The following CHODL variants were observed in gnomAD, a reference collection of about 807,000 sequenced individuals.
The protein encoded by CHODL is chondrolectin.
Under a neutral mutation model 34.5 loss-of-function variants are expected in CHODL, and 29 were observed. That is an observed-to-expected ratio of 0.84 (90% CI 0.63 to 1.15). The LOEUF is 1.15. Among genes scored for constraint, CHODL ranks in the 50% most tolerant of loss-of-function variants. The pLI, the probability that CHODL is intolerant of heterozygous loss-of-function variation, is 0.00. For synonymous variants in CHODL, 125 were observed against 116.1 expected, an observed-to-expected ratio of 1.08 and a Z score of -0.49; for missense variants, 332 against 332.5, an observed-to-expected ratio of 1.00 and a Z score of 0.01.
Position 18,030,373 on chromosome 21 carries a change from A to T in CHODL, c.-45+2402A>T, listed in dbSNP as rs1475303784. On this transcript the variant is annotated intron_variant, in intron 2 of 6. Transcript: ENST00000400127. ...CTCATGTGAGTGAGCTTGGAAACAG[A>T]TCCTCCTTCAGTTGAGCCAGTAGGC... 5.3e-5 allele frequency among the ~76,000 whole-genome samples: 8 copies of T among 152,268 alleles called. No homozygotes were observed. The East Asian group carries it at 1.6e-3, about 30-fold the overall frequency.
intron 2 of CHODL, among the ~76,000 whole-genome samples, chr21:18,166,917 G>A (rs2073160392): frequency 6.6e-6 from 1 of 152,070 alleles, no homozygotes; most frequent in Admixed American, 6.6e-5. Flanking sequence ...GGAGTTTTCT[G>A]TTCCATGAAT....
chr21:18,094,917 A>G lies in CHODL; in HGVS notation c.-45+66946A>G, dbSNP rs528988536. Among the ~76,000 whole-genome samples, 5 of 152,246 alleles carry G rather than the reference A, an allele frequency of 3.3e-5. No homozygotes were observed. The South Asian group carries it at 8.3e-4, about 25-fold the overall frequency. ...AGCAGGCAGATCTCCTGAGGTTAGGAGTTCAAGACCAGGCTGGCCAAAATG... is the reference window on the plus strand; with the variant it reads ...AGCAGGCAGATCTCCTGAGGTTAGGGGTTCAAGACCAGGCTGGCCAAAATG... On this transcript the variant is annotated intron_variant, in intron 2 of 6. Transcript: ENST00000400127.
At chr21:18,162,543 A>G (rs766088887) in intron 2 of CHODL, among the ~76,000 whole-genome samples, 33 of 152,042 alleles carry the variant, frequency 2.2e-4, no homozygotes, top group Non-Finnish European at 4.7e-4. Flanking sequence ...AGGGTCACAC[A>G]CTATTCCACT....
intron 2 of CHODL, among the ~76,000 whole-genome samples, chr21:18,061,532 C>A (rs1480684997): frequency 6.9e-6 from 1 of 144,556 alleles, no homozygotes; most frequent in Non-Finnish European, 1.5e-5. Context: ...GTACTGTATC[C>A]TTTACAAATA....
In CHODL at chr21:17,942,806, T is replaced by C. The variant is rs143127683; in HGVS notation, c.-145+25406T>C. Among the ~76,000 whole-genome samples, 370 of 152,302 alleles carry C rather than the reference T, an allele frequency of 2.4e-3. 1 individual carries two copies. Among genetic ancestry groups the C allele is most frequent in the African/African-American group, 8.2e-3 (342 of 41,568 alleles). On this transcript the variant is annotated intron_variant, in intron 1 of 6. Transcript: ENST00000400127. Reference sequence around the variant, plus strand: ...GCTCCATGTCCCCACCCAAATCTCATGTTGAATTTTAATTCCCAGTGTTAG... The same window carrying C: ...GCTCCATGTCCCCACCCAAATCTCACGTTGAATTTTAATTCCCAGTGTTAG...
At chr21:18,180,510 T>A (rs1386833166) in intron 2 of CHODL, among the ~76,000 whole-genome samples, 1 of 152,192 alleles carries the variant, frequency 6.6e-6, no homozygotes, top group Non-Finnish European at 1.5e-5. Context: ...TTACAGAAAT[T>A]TTTTAAAATC....
intron 1 of CHODL, among the ~76,000 whole-genome samples, chr21:17,971,369 A>G (rs1324287657): frequency 1.3e-5 from 2 of 152,106 alleles, no homozygotes. Context: ...AAGTGTTTCT[A>G]TTTCTCCACA....
intron 2 of CHODL, among the ~76,000 whole-genome samples, chr21:18,203,145 G>A (rs1033705272): frequency 2.6e-5 from 4 of 152,082 alleles, no homozygotes; most frequent in South Asian, 2.1e-4. Context: ...GTGTTTCTGG[G>A]TTTACAAGAA....
chr21:18,121,368 C>T (rs1601030685), intron 2 of CHODL, among the ~76,000 whole-genome samples: 1 of 152,158 alleles, frequency 6.6e-6, no homozygotes. Context: ...CAAAGTCATT[C>T]TGGGCCGCAG....
chr21:17,963,151 A>G (rs2063545966), intron 1 of CHODL, among the ~76,000 whole-genome samples: 1 of 152,198 alleles, frequency 6.6e-6, no homozygotes, highest in Non-Finnish European at 1.5e-5. Context: ...TGACAGTGAA[A>G]AAAGTTTTCT....
At chr21:18,056,502 G>A (rs967364524) in intron 2 of CHODL, among the ~76,000 whole-genome samples, 2 of 150,328 alleles carry the variant, frequency 1.3e-5, no homozygotes, top group African/African-American at 4.9e-5. Flanking sequence ...GGTGAGTGGG[G>A]CATTCCCTAA....
In CHODL at chr21:18,245,275, G is replaced by A; in HGVS notation, c.52G>A (p.Gly18Arg). 1 of 1,521,334 alleles carries A rather than the reference G, an allele frequency of 6.6e-7. No homozygotes were observed. The highest frequency in any genetic ancestry group is 8.8e-7 in the Non-Finnish European group (1 of 1,140,510). The allele number at this position is 1,521,334 out of a possible 1,614,324, so 94.2% of individuals were successfully genotyped here. A position where few individuals can be genotyped will look rare whatever the true frequency, so the allele number is the denominator to read the frequency against. The change falls in exon 1 of 6, where the codon GGA becomes AGA. Residue 18 changes from glycine (G) to arginine (R), a missense_variant. Transcript: ENST00000299295. ...LLGAALLCGH[G>R]AFCRRVVSGQ... is the part of the protein sequence containing the mutation. ...GGGCGCCGCGCTGCTCTGCGGCCAC[G>A]GAGCCTTCTGCCGCCGCGTGGTCAG...
chr21:18,002,474 C>A (rs115179409), intron 1 of CHODL, among the ~76,000 whole-genome samples: 1 of 152,138 alleles, frequency 6.6e-6, no homozygotes, highest in African/African-American at 2.4e-5. Flanking sequence ...TAATTTTAAA[C>A]CTTTTTGTCA....
intron 1 of CHODL, among the ~76,000 whole-genome samples, chr21:17,960,180 C>T (rs1483447705): frequency 6.6e-6 from 1 of 152,156 alleles, no homozygotes; most frequent in African/African-American, 2.4e-5. Context: ...TCCTAAAACC[C>T]TGCACACACT....
At position 18,183,892 on chromosome 21, in the gene CHODL, C is replaced by T. The variant is rs1474047451; in HGVS notation, c.-44-72617C>T. On this transcript the variant is annotated intron_variant, in intron 2 of 6. Transcript: ENST00000400127. ...GAATGTGAACTTTCTTTTGCAACAG[C>T]GAAGTTCTAGCTTTTTGAAAGTCTG... Among the ~76,000 whole-genome samples, 4 of 152,056 alleles carry T rather than the reference C, an allele frequency of 2.6e-5. No individual in the cohort carries two copies. The East Asian group carries it at 5.8e-4, about 22-fold the overall frequency.
At chr21:17,971,780 C>A (rs1424095797) in intron 1 of CHODL, among the ~76,000 whole-genome samples, 1 of 152,062 alleles carries the variant, frequency 6.6e-6, no homozygotes, top group Non-Finnish European at 1.5e-5. Context: ...AGAAAAAGAG[C>A]AACTCCTCCC....
rs61176066 is a variant in CHODL, at chr21:18,151,082, C to CAA, written c.-44-105405_-44-105404dup. On this transcript the variant is annotated intron_variant, in intron 2 of 6. Coordinates refer to the CHODL transcript ENST00000400127. ...TGGGCGACAGAGCGAGACTCTGTGT[C>CAA]AAAAAAAAAAAAAAAAAAAAAAAGA... Among the ~76,000 whole-genome samples the CAA allele has an allele frequency of 3.1e-3, 383 of 122,908 alleles. 6 individuals are homozygous for CAA. The East Asian group carries it at 0.043, about 14-fold the overall frequency. 80.6% of individuals were successfully genotyped at this position (122,908 alleles called of 152,430 possible).
At chr21:18,048,916 C>G (rs188148502) in intron 2 of CHODL, among the ~76,000 whole-genome samples, 1 of 151,894 alleles carries the variant, frequency 6.6e-6, no homozygotes, top group East Asian at 2.0e-4. Context: ...ATGTTCAGAA[C>G]TTCACATTTT....
At chr21:18,002,722 A>C (rs1157051567) in intron 1 of CHODL, among the ~76,000 whole-genome samples, 1 of 152,132 alleles carries the variant, frequency 6.6e-6, no homozygotes, top group Non-Finnish European at 1.5e-5. Context: ...TTCCACTCTG[A>C]GCTGTTTACA....
Sources: gnomAD v4.1 joint callset for allele counts (sites outside exome capture counted in the v4.1 genomes callset) on GRCh38, gnomAD v4.1.1 for gene constraint, MANE v1.5 for transcripts, NCBI Gene and HGNC (gene_info 2026-07-23, HGNC 2026-07-21) for gene names.